Variants in SRRM2 observed in about 807,000 individuals in gnomAD.
SRRM2 encodes serine/arginine repetitive matrix protein 2.
SRRM2 carries 30 observed loss-of-function variants against 213.8 expected under a neutral mutation model. That is an observed-to-expected ratio of 0.14 (90% CI 0.10 to 0.19). SRRM2 has a LOEUF of 0.19. SRRM2 is among the 10% of genes least tolerant of loss of function. The pLI is 1.00. For missense variants in SRRM2, 4,904 were observed against 3,647.0 expected (o/e 1.34, Z -8.88); for synonymous variants, 2,025 against 1,377.7 (o/e 1.47, Z -10.40).
intron 12 of SRRM2, 21 bp from the exon 13 acceptor site, chr16:2,770,331 G>T: frequency 6.4e-7 from 1 of 1,559,690 alleles, no homozygotes; most frequent in African/African-American, 1.4e-5. Flanking sequence ...TGGTGCTATT[G>T]GGTCCTACTG....
rs1244829623 is a variant in SRRM2, at chr16:2,764,990, G to T, written c.4462G>T (p.Ala1488Ser). Reference sequence around the variant, plus strand: ...ATGTGATTCTTCCCCAGAACCGAAAGCTTTGCCTCAGACTCCTAGGCCGAG... The same window carrying T: ...ATGTGATTCTTCCCCAGAACCGAAATCTTTGCCTCAGACTCCTAGGCCGAG... ...SECDSSPEPK[A>S]LPQTPRPRSR... is the part of the protein sequence containing the mutation. Residue 1488 changes from alanine (A) to serine (S), a missense_variant, in exon 11 of 15, where the codon GCT becomes TCT. By Grantham distance (99) the Ala-to-Ser change is moderately conservative. Coordinates refer to ENST00000301740, the MANE Select transcript of SRRM2 (RefSeq NM_016333.4). 1 of 1,614,052 alleles carries T rather than the reference G, an allele frequency of 6.2e-7. No individual in the cohort carries two copies. The highest frequency in any genetic ancestry group is 8.5e-7 in the Non-Finnish European group (1 of 1,180,028).
Position 2,759,397 on chromosome 16 carries a change from A to T in SRRM2, c.735A>T (p.Arg245=). ...AACGTAAATCTAAGGACAAAAAGCGAAAGCGGTGAGTGAATTTGTGGGGAA... is the reference window on the plus strand; with the variant it reads ...AACGTAAATCTAAGGACAAAAAGCGTAAGCGGTGAGTGAATTTGTGGGGAA... ...KSKRKSKDKK[R]KRSRSTTPAP... The change falls in exon 8 of 15, where the codon CGA becomes CGT. Residue 245 remains arginine (R), a synonymous_variant. Transcript: ENST00000301740. The T allele has an allele frequency of 1.9e-6, 3 of 1,593,806 alleles. No homozygotes were observed. The highest frequency in any genetic ancestry group is 2.6e-6 in the Non-Finnish European group (3 of 1,173,418).
rs1044639626 is a variant in SRRM2 at position 2,762,981 on chromosome 16, G to T, written c.2453G>T (p.Ser818Ile). 1 of 1,614,064 alleles carries T rather than the reference G, an allele frequency of 6.2e-7. No homozygotes were observed. The highest frequency in any genetic ancestry group is 2.2e-5 in the East Asian group (1 of 44,888). Reference sequence around the variant, plus strand: ...ACGCCACCCAGACGCAGTCGCTCCAGTTCTTCTCCGCCACCTAAACAGAAA... The same window carrying T: ...ACGCCACCCAGACGCAGTCGCTCCATTTCTTCTCCGCCACCTAAACAGAAA... Reference protein sequence around the residue: ...SRTPPRRSRSSSSPPPKQKSK... With the variant: ...SRTPPRRSRSISSPPPKQKSK... Residue 818 changes from serine (S) to isoleucine (I), a missense_variant, in exon 11 of 15, where the codon AGT becomes ATT. By Grantham distance (142) the Ser-to-Ile change is moderately radical (BLOSUM62 -2). Transcript: ENST00000301740.
Position 2,767,636 on chromosome 16 carries a change from A to C in SRRM2, c.7108A>C (p.Arg2370=), listed in dbSNP as rs2068588959. 6.2e-7 allele frequency: 1 copy of C among 1,614,038 alleles called. No individual in the cohort carries two copies. Among genetic ancestry groups the C allele is most frequent in the South Asian group, 1.1e-5 (1 of 91,086 alleles). ...ALAPASLTSA[R]MAPALSGANL... is the part of the protein sequence containing the mutation. Reference sequence around the variant, plus strand: ...GGCCCCCGCGAGCCTCACCAGTGCTAGGATGGCTCCAGCATTGTCTGGTGC... The same window carrying C: ...GGCCCCCGCGAGCCTCACCAGTGCTCGGATGGCTCCAGCATTGTCTGGTGC... The change falls in exon 11 of 15, where the codon AGG becomes CGG. Residue 2370 remains arginine (R), a synonymous_variant. Transcript: ENST00000301740.
At chr16:2,758,869 A>G in intron 5 of SRRM2, 116 bp from the exon 6 acceptor site, 2 of 1,091,708 alleles carry the variant, frequency 1.8e-6, no homozygotes, top group Non-Finnish European at 2.7e-6. Flanking sequence ...GGTCTGGGGC[A>G]TTAGTGCTAT....
chr16:2,762,558 G>A lies in SRRM2; in HGVS notation c.2030G>A (p.Arg677His), dbSNP rs369109904. 47 of 1,613,684 alleles carry A rather than the reference G, an allele frequency of 2.9e-5. No individual in the cohort carries two copies. The highest frequency in any genetic ancestry group is 1.3e-5 in the African/African-American group (1 of 74,774). The change falls in exon 11 of 15, where the codon CGC becomes CAC. Residue 677 changes from arginine to histidine, a missense_variant. Transcript: ENST00000301740. Reference sequence around the variant, plus strand: ...TCACGCTCTAGAACCCCAGCTAGACGCAGTGGTCGCTCACGCTCCAGAACA... The same window carrying A: ...TCACGCTCTAGAACCCCAGCTAGACACAGTGGTCGCTCACGCTCCAGAACA... ...GRSRSRTPAR[R>H]SGRSRSRTPA...
chr16:2,770,303 C>A, intron 12 of SRRM2, 49 bp from the exon 13 acceptor site: 1 of 1,518,174 alleles, frequency 6.6e-7, no homozygotes. Flanking sequence ...AGTGCTGGCC[C>A]GTGTGCTTGA....
chr16:2,765,727 G>A lies in SRRM2; in HGVS notation c.5199G>A (p.Pro1733=), dbSNP rs760790909. The A allele has an allele frequency of 6.4e-5, 103 of 1,613,954 alleles. No individual in the cohort carries two copies. In the Middle Eastern group the frequency reaches 9.9e-4, roughly 15 times the overall value. ...GGAGAAGTCCCTCAGTGTCTTCCCC[G>A]GAGCCAGCCGAAAAATCGAGGTCTT... ...RHRRSPSVSS[P]EPAEKSRSSR... is the part of the protein sequence containing the mutation. The change falls in exon 11 of 15, where the codon CCG becomes CCA. Residue 1733 remains proline (P), a synonymous_variant. Transcript: ENST00000301740.
Position 2,765,215 on chromosome 16 carries a change from C to G in SRRM2, c.4687C>G (p.Pro1563Ala). 1 of 1,614,142 alleles carries G rather than the reference C, an allele frequency of 6.2e-7. No homozygotes were observed. The highest frequency in any genetic ancestry group is 1.3e-5 in the African/African-American group (1 of 75,052). ...PQERSESDSS[P>A]DSKAKTRTPL... ...GGAAAGAAGTGAGTCAGACTCTTCT[C>G]CAGATTCTAAAGCCAAGACAAGAAC... is the stretch of plus-strand genomic sequence containing the variant. Residue 1563 changes from proline (P) to alanine (A), a missense_variant, in exon 11 of 15, where the codon CCA (proline) becomes GCA (alanine). Transcript: ENST00000301740.
rs767837093 is a variant in SRRM2, at chr16:2,766,293, G to A, written c.5765G>A (p.Arg1922Gln). 5.0e-6 allele frequency: 8 copies of A among 1,614,036 alleles called. No individual in the cohort carries two copies. The East Asian group carries it at 6.7e-5, about 13-fold the overall frequency. Residue 1922 changes from arginine to glutamine, a missense_variant, in exon 11 of 15, where the codon CGA becomes CAA. Transcript: ENST00000301740. This position sits in a 1 kb window ranked among gnomAD's most constrained non-coding sequence, Gnocchi z 7.0. The part of the protein sequence containing the change: ...RSRASPVSRR[R>Q]SRSRTPPVTR... ...AGAGCATCCCCAGTGAGCAGAAGGCGATCCAGATCCAGAACGCCACCAGTA... is the reference window on the plus strand; with the variant it reads ...AGAGCATCCCCAGTGAGCAGAAGGCAATCCAGATCCAGAACGCCACCAGTA...
intron 14 of SRRM2, 45 bp from the exon 15 acceptor site, chr16:2,770,813 G>A: frequency 6.2e-7 from 1 of 1,613,596 alleles, no homozygotes; most frequent in Non-Finnish European, 8.5e-7. Flanking sequence ...CTGGCCTTGA[G>A]GGCTGGGGTG....
rs528015169 is a variant in SRRM2 at position 2,756,344 on chromosome 16, G to C, written c.-21G>C. On this transcript the variant is annotated 5_prime_UTR_variant, in exon 2 of 15. Transcript: ENST00000301740. ...CCCGCTCCCCCTCAGGAGCGGTGGT[G>C]CCCCCCCCGGGCACGGGGCCATGTA... 1.9e-6 allele frequency: 3 copies of C among 1,578,570 alleles called. No homozygotes were observed. Among genetic ancestry groups the C allele is most frequent in the African/African-American group, 1.3e-5 (1 of 74,156 alleles).
In SRRM2 at chr16:2,760,113, G is replaced by T. The variant is rs911846631; in HGVS notation, c.834-188G>T. ...GAGGGAGAACGCTCTTTGGGATTGT[G>T]TTGGGAAAAGAAGAACCAAAGTGGA... On this transcript the variant is annotated intron_variant, in intron 9 of 14. Transcript: ENST00000301740. The T allele has an allele frequency of 1.2e-4, 75 of 639,090 alleles. No homozygotes were observed. The African/African-American group carries it at 1.2e-3, about 10-fold the overall frequency. 39.6% of individuals were successfully genotyped at this position (639,090 alleles called of 1,614,324 possible).
chr16:2,770,272 G>T, intron 12 of SRRM2, 80 bp from the exon 13 acceptor site: 2 of 1,482,198 alleles, frequency 1.3e-6, no homozygotes, highest in Non-Finnish European at 1.8e-6. Context: ...TTGGTGGTCA[G>T]GACCTGGGCG....
At chr16:2,759,834 C>A in intron 9 of SRRM2, 173 bp downstream of exon 9, 1 of 595,546 alleles carries the variant, frequency 1.7e-6, no homozygotes, top group Non-Finnish European at 2.9e-6. Flanking sequence ...ATATACATTT[C>A]CCCTTCTCTT....
chr16:2,765,145 G>A lies in SRRM2; in HGVS notation c.4617G>A (p.Ser1539=), dbSNP rs764240593. 115 of 1,613,968 alleles carry A rather than the reference G, an allele frequency of 7.1e-5. No individual in the cohort carries two copies. Among genetic ancestry groups the A allele is most frequent in the East Asian group, 2.2e-4 (10 of 44,888 alleles). ...ARTPLGQRSR[S]GSSQELDVKP... ...CTCCCCTGGGGCAGAGAAGTCGTTC[G>A]GGATCCTCTCAAGAACTTGATGTGA... The change falls in exon 11 of 15, where the codon TCG becomes TCA. Residue 1539 remains serine (S), a synonymous_variant. Transcript: ENST00000301740.
chr16:2,763,573 A>G lies in SRRM2; in HGVS notation c.3045A>G (p.Pro1015=). Residue 1015 remains proline (P), a synonymous_variant, in exon 11 of 15, where the codon CCA becomes CCG. Coordinates refer to ENST00000301740, the MANE Select transcript of SRRM2 (RefSeq NM_016333.4). The part of the protein sequence containing the change: ...PGPSLSGSKS[P]CPQEKSKDSL... ...CAAGTCTTTCTGGATCAAAGTCACC[A>G]TGTCCCCAAGAGAAGTCTAAAGACT... 3 of 1,614,158 alleles carry G rather than the reference A, an allele frequency of 1.9e-6. No homozygotes were observed. Among genetic ancestry groups the G allele is most frequent in the Non-Finnish European group, 2.5e-6 (3 of 1,180,028 alleles).
At position 2,753,160 on chromosome 16, in the gene SRRM2, C is replaced by T. The variant is rs952135507; in HGVS notation, c.-32+314C>T. ...TCACTCCTCCCCCCAACATGTGCCG[C>T]CGAGGTGGCCTTCCTGCAGCTGCCG... is the stretch of plus-strand genomic sequence containing the variant. On this transcript the variant is annotated intron_variant, in intron 1 of 14. Transcript: ENST00000301740. Among the ~76,000 whole-genome samples, 113 of 151,594 alleles carry T rather than the reference C, an allele frequency of 7.5e-4. 1 individual carries two copies. Among genetic ancestry groups the T allele is most frequent in the Non-Finnish European group, 1.3e-4 (9 of 67,892 alleles).
In SRRM2 at chr16:2,760,567, GA is replaced by G. The variant is rs1299165143; in HGVS notation, c.1032+71del. 1.6e-5 allele frequency: 24 copies of G among 1,542,132 alleles called. No individual in the cohort carries two copies. The East Asian group carries it at 4.8e-4, about 31-fold the overall frequency. On this transcript the variant is annotated intron_variant, in intron 10 of 14. Coordinates refer to ENST00000301740, the MANE Select transcript of SRRM2 (RefSeq NM_016333.4). ...TAGATTTAGGATAGACATGTGATGT[GA>G]AAGGGAGAGGTAATAACTTATTAAA...
Sources: gnomAD v4.1 joint callset for allele counts (sites outside exome capture counted in the v4.1 genomes callset) on GRCh38, gnomAD v4.1.1 for gene constraint, Gnocchi (gnomAD v3.1) non-coding constraint, MANE v1.5 for transcripts, NCBI Gene and HGNC (gene_info 2026-07-23, HGNC 2026-07-21) for gene names.